Variants in SLC44A5 observed in about 807,000 individuals in gnomAD.
SLC44A5 encodes solute carrier family 44 member 5, also known as choline transporter-like protein 5.
In SLC44A5, 57 loss-of-function variants were observed where a neutral mutation model predicts 101.8. The observed-to-expected ratio is 0.56, with a 90% CI of 0.45 to 0.70. The LOEUF (loss-of-function observed/expected upper bound fraction) is 0.70. SLC44A5 is among the 30% of genes least tolerant of loss of function. The pLI is 0.00. For synonymous variants in SLC44A5, 281 were observed against 290.9 expected (o/e 0.97, Z 0.35); for missense variants, 737 against 853.1 (o/e 0.86, Z 1.70).
At chr1:75,496,634 G>T (rs1424043420) in intron 2 of SLC44A5, among the ~76,000 whole-genome samples, 1 of 150,072 alleles carries the variant, frequency 6.7e-6, no homozygotes, top group Non-Finnish European at 1.5e-5. Context: ...ATAAAAGTGG[G>T]ACTACATCAT....
chr1:75,479,670 T>A (rs867668145), intron 2 of SLC44A5, among the ~76,000 whole-genome samples: 7 of 152,124 alleles, frequency 4.6e-5, no homozygotes, highest in Admixed American at 2.6e-4. Context: ...ATAAATTCCT[T>A]GACACATACA....
chr1:75,234,607 T>C (rs1647901990), intron 11 of SLC44A5, among the ~76,000 whole-genome samples: 1 of 152,070 alleles, frequency 6.6e-6, no homozygotes, highest in Non-Finnish European at 1.5e-5. Context: ...GAGCCCATAA[T>C]GCTGTAGTCA....
At position 75,448,968 on chromosome 1, in the gene SLC44A5, C is replaced by A. The variant is rs149632312; in HGVS notation, c.14-52347G>T. Reference sequence around the variant, plus strand: ...AGTACTGCAATCACATTTGCCTTCTCTTTCTCAACCACAGCATGCTCTCTC... The same window carrying A: ...AGTACTGCAATCACATTTGCCTTCTATTTCTCAACCACAGCATGCTCTCTC... On this transcript the variant is annotated intron_variant, in intron 2 of 23. Transcript: ENST00000370859. Among the ~76,000 whole-genome samples, 37 of 152,256 alleles carry A rather than the reference C, an allele frequency of 2.4e-4. 1 individual carries two copies. Among genetic ancestry groups the A allele is most frequent in the East Asian group, 1.7e-3 (9 of 5,190 alleles).
chr1:75,537,033 A>ATATATATATATAT (rs568318690), intron 2 of SLC44A5, among the ~76,000 whole-genome samples: 8 of 43,042 alleles, frequency 1.9e-4, no homozygotes, highest in African/African-American at 3.8e-4. Context: ...AAAAAAAAAA[A>ATATATATATATAT]ATATATATCT....
intron 1 of SLC44A5, among the ~76,000 whole-genome samples, chr1:75,552,472 CA>C (rs10715456): frequency 0.95 from 144,624 of 152,112 alleles, 68,791 homozygotes; most frequent in East Asian, 0.98. Flanking sequence ...AATATAACGG[CA>C]AAAAAATATA....
chr1:75,520,474 C>G (rs1295637945), intron 2 of SLC44A5, among the ~76,000 whole-genome samples: 2 of 151,810 alleles, frequency 1.3e-5, no homozygotes, highest in Middle Eastern at 3.4e-3. Context: ...TTACCTAAAG[C>G]CAAATAAATG....
intron 1 of SLC44A5, among the ~76,000 whole-genome samples, chr1:75,558,607 A>G (rs938161040): frequency 3.3e-5 from 5 of 152,118 alleles, no homozygotes; most frequent in Admixed American, 2.6e-4. Flanking sequence ...GATCATATTC[A>G]AGAAAATCCC....
At chr1:75,436,149 A>AGAATGAGGTATTG (rs1435910682) in intron 2 of SLC44A5, among the ~76,000 whole-genome samples, 1 of 152,130 alleles carries the variant, frequency 6.6e-6, no homozygotes, top group Non-Finnish European at 1.5e-5. Context: ...CAAGATGTAA[A>AGAATGAGGTATTG]CATCTTTATC....
At chr1:75,388,565 G>A (rs544319862) in intron 3 of SLC44A5, among the ~76,000 whole-genome samples, 59 of 152,202 alleles carry the variant, frequency 3.9e-4, no homozygotes, top group African/African-American at 1.4e-3. Flanking sequence ...TGGATCACGA[G>A]GTCAGGAGAT....
intron 2 of SLC44A5, among the ~76,000 whole-genome samples, chr1:75,495,458 A>G (rs1668622914): frequency 6.6e-6 from 1 of 152,122 alleles, no homozygotes; most frequent in Admixed American, 6.6e-5. Flanking sequence ...CCATCTCAAA[A>G]AAACAAAGAA....
At chr1:75,490,317 C>T (rs1481099299) in intron 2 of SLC44A5, among the ~76,000 whole-genome samples, 4 of 152,036 alleles carry the variant, frequency 2.6e-5, no homozygotes, top group African/African-American at 4.8e-5. Flanking sequence ...TTAATGGATT[C>T]GTTCATTTAA....
At chr1:75,215,724 G>T (rs1646947104) in intron 19 of SLC44A5, 30 bp downstream of exon 19, 1 of 1,331,350 alleles carries the variant, frequency 7.5e-7, no homozygotes, top group Non-Finnish European at 1.1e-6. Flanking sequence ...CAAAGAAGCA[G>T]CTTAGTAAAT....
the SLC44A5 span, among the ~76,000 whole-genome samples, chr1:75,622,682 AC>A: frequency 6.6e-6 from 1 of 152,026 alleles, no homozygotes; most frequent in African/African-American, 2.4e-5. Flanking sequence ...TGTATAATCC[AC>A]CGTTAAACTC....
chr1:75,335,017 C>G (rs1657332627), intron 4 of SLC44A5, among the ~76,000 whole-genome samples: 1 of 152,168 alleles, frequency 6.6e-6, no homozygotes, highest in East Asian at 1.9e-4. Flanking sequence ...CTGTGAGTAA[C>G]AGTTTTGATC....
chr1:75,513,216 C>A (rs1479895299), intron 2 of SLC44A5, among the ~76,000 whole-genome samples: 2 of 152,156 alleles, frequency 1.3e-5, no homozygotes, highest in Admixed American at 6.5e-5. Flanking sequence ...AGACAGCCAA[C>A]ATTTATAATT....
At chr1:75,523,976 G>C (rs369366412) in intron 2 of SLC44A5, among the ~76,000 whole-genome samples, 6 of 152,212 alleles carry the variant, frequency 3.9e-5, no homozygotes, top group African/African-American at 1.4e-4. Context: ...AGATAAATCT[G>C]TTAAGACCAA....
At chr1:75,715,387 T>A in the SLC44A5 span, among the ~76,000 whole-genome samples, 1 of 152,128 alleles carries the variant, frequency 6.6e-6, no homozygotes, top group African/African-American at 2.4e-5. Context: ...GCTACCCAAA[T>A]TCAAACTATA....
intron 23 of SLC44A5, among the ~76,000 whole-genome samples, chr1:75,208,066 G>A (rs190717041): frequency 2.7e-4 from 41 of 152,242 alleles, no homozygotes; most frequent in African/African-American, 9.4e-4. Flanking sequence ...GCTGTAAAAT[G>A]CTTCCTTTAA....
the SLC44A5 span, among the ~76,000 whole-genome samples, chr1:75,663,401 T>C: frequency 6.6e-6 from 1 of 152,164 alleles, no homozygotes; most frequent in Non-Finnish European, 1.5e-5. Flanking sequence ...GGCACTCTGA[T>C]CTCAGATCTC....
Sources: gnomAD v4.1 joint callset for allele counts (sites outside exome capture counted in the v4.1 genomes callset) on GRCh38, gnomAD v4.1.1 for gene constraint, MANE v1.5 for transcripts, NCBI Gene and HGNC (gene_info 2026-07-23, HGNC 2026-07-21) for gene names.